The following PTPRN2 variants were observed in gnomAD, a reference collection of about 807,000 sequenced individuals.
PTPRN2 encodes the protein receptor-type tyrosine-protein phosphatase N2.
PTPRN2 carries 74 observed loss-of-function variants against 118.8 expected under a neutral mutation model. The ratio of observed to expected loss-of-function variants is 0.62; its 90% CI spans 0.52 to 0.76. The LOEUF (loss-of-function observed/expected upper bound fraction) is 0.76, where lower values mean the gene tolerates loss of function less well. PTPRN2 is among the 30% of genes least tolerant of loss of function. PTPRN2 has a pLI of 0.00. For synonymous variants in PTPRN2, 641 were observed against 608.0 expected (o/e 1.05, Z -0.80); for missense variants, 1,481 against 1,394.4 (o/e 1.06, Z -0.99).
intron 12 of PTPRN2, among the ~76,000 whole-genome samples, chr7:157,875,921 C>T (rs926414387): frequency 1.5e-5 from 2 of 133,822 alleles, no homozygotes; most frequent in African/African-American, 2.9e-5. Flanking sequence ...GGGTGGGCAC[C>T]GGGCTGCAGA....
chr7:157,796,512 A>G (rs117997502), intron 12 of PTPRN2, among the ~76,000 whole-genome samples: 1,533 of 152,342 alleles, frequency 0.01, 15 homozygotes, highest in Admixed American at 0.012. Flanking sequence ...GGCGCAGAGA[A>G]GAGAAGGAAA....
intron 9 of PTPRN2, among the ~76,000 whole-genome samples, chr7:158,115,964 C>T (rs1457812137): frequency 6.6e-6 from 1 of 152,198 alleles, no homozygotes; most frequent in Non-Finnish European, 1.5e-5. Context: ...GAGCCTGGTT[C>T]GCTCAGGTGA....
intron 2 of PTPRN2, among the ~76,000 whole-genome samples, chr7:158,367,692 T>C (rs903074086): frequency 6.6e-6 from 1 of 152,200 alleles, no homozygotes; most frequent in Admixed American, 6.5e-5. Flanking sequence ...TGTTAGTTTT[T>C]TTCCAGAGAG....
chr7:157,841,010 G>A (rs1203948918), intron 12 of PTPRN2, among the ~76,000 whole-genome samples: 2 of 152,218 alleles, frequency 1.3e-5, no homozygotes, highest in African/African-American at 2.4e-5. Flanking sequence ...AATTCACAAC[G>A]GCCGCTGCCT....
At chr7:157,860,738 A>C (rs1292875157) in intron 12 of PTPRN2, among the ~76,000 whole-genome samples, 1 of 152,236 alleles carries the variant, frequency 6.6e-6, no homozygotes, top group East Asian at 1.9e-4. Context: ...GGTAGAGAGC[A>C]GACAGTTTCT....
chr7:157,833,456 G>T (rs989053060), intron 12 of PTPRN2, among the ~76,000 whole-genome samples: 1 of 148,400 alleles, frequency 6.7e-6, no homozygotes, highest in African/African-American at 2.5e-5. Context: ...TGTGGCCGGT[G>T]CCCATCCATC....
chr7:157,671,678 G>A lies in PTPRN2; in HGVS notation c.2001+11047C>T, dbSNP rs1796423537. On this transcript the variant is annotated intron_variant, in intron 13 of 22. Transcript: ENST00000389418. This position sits in a 1 kb window ranked among gnomAD's most constrained non-coding sequence, Gnocchi z 4.1. ...GGCAGGGGCATGCGGGCTGGGGGCG[G>A]AGCGGCTACTGGAGCAGCTGCTTCT... 6.6e-6 allele frequency among the ~76,000 whole-genome samples: 1 copy of A among 152,152 alleles called. No individual in the cohort carries two copies. Among genetic ancestry groups the A allele is most frequent in the Admixed American group, 6.5e-5 (1 of 15,288 alleles).
At chr7:157,972,699 ACGGG>A (rs1374870285) in intron 11 of PTPRN2, among the ~76,000 whole-genome samples, 10 of 145,640 alleles carry the variant, frequency 6.9e-5, no homozygotes, top group African/African-American at 7.7e-5. Context: ...TTCAGAGACC[ACGGG>A]CACTCCACAC....
At chr7:157,917,405 C>T (rs963668105) in intron 11 of PTPRN2, among the ~76,000 whole-genome samples, 1 of 152,190 alleles carries the variant, frequency 6.6e-6, no homozygotes, top group African/African-American at 2.4e-5. Flanking sequence ...TTCTTCAGCC[C>T]TTGTTTTCCA....
Position 158,273,592 on chromosome 7 carries a change from ATGGGAGGAGCCG to A in PTPRN2, c.277+43215_277+43226del, listed in dbSNP as rs1405957582. On this transcript the variant is annotated intron_variant, in intron 3 of 22. Coordinates refer to ENST00000389418, the MANE Select transcript of PTPRN2 (RefSeq NM_002847.5). ...GGCACAGGGGGAGCCGCAGACAGAC[ATGGGAGGAGCCG>A]CAGACACGGGGAGCCGCAGGCATGG... is the stretch of plus-strand genomic sequence containing the variant. 2.8e-3 allele frequency among the ~76,000 whole-genome samples: 211 copies of A among 76,264 alleles called. 59 individuals are homozygous for A. The highest frequency in any genetic ancestry group is 9.4e-3 in the Middle Eastern group (1 of 106). The allele number at this position is 76,264 out of a possible 152,430, so 50.0% of individuals were successfully genotyped here.
chr7:157,741,107 C>G (rs993544528), intron 12 of PTPRN2, among the ~76,000 whole-genome samples: 5 of 152,154 alleles, frequency 3.3e-5, no homozygotes, highest in African/African-American at 1.2e-4. Context: ...AACTCACAGT[C>G]GGAGCCACCC....
intron 1 of PTPRN2, among the ~76,000 whole-genome samples, chr7:158,557,116 G>A (rs1169008538): frequency 4.8e-5 from 6 of 123,822 alleles, no homozygotes; most frequent in African/African-American, 1.9e-4. Flanking sequence ...TGGGCAGGTC[G>A]CTCCCGCGCA....
intron 12 of PTPRN2, among the ~76,000 whole-genome samples, chr7:157,713,696 C>T (rs1798764508): frequency 6.6e-6 from 1 of 152,230 alleles, no homozygotes; most frequent in Non-Finnish European, 1.5e-5. Context: ...TTGTCCAACT[C>T]TCTTATTCCG....
intron 12 of PTPRN2, among the ~76,000 whole-genome samples, chr7:157,766,110 A>C (rs114318323): frequency 0.11 from 16,875 of 148,404 alleles, 1,880 homozygotes; most frequent in African/African-American, 0.26. Context: ...TCTTCCATTC[A>C]TCCATCCATC....
At chr7:158,439,065 A>G (rs948983437) in intron 2 of PTPRN2, among the ~76,000 whole-genome samples, 19 of 152,238 alleles carry the variant, frequency 1.2e-4, no homozygotes, top group African/African-American at 3.6e-4. Context: ...CAAGGACTCA[A>G]AAGAATGCAA....
intron 2 of PTPRN2, among the ~76,000 whole-genome samples, chr7:158,391,561 T>C (rs967890908): frequency 2.0e-5 from 3 of 152,214 alleles, no homozygotes; most frequent in African/African-American, 7.2e-5. Flanking sequence ...TGATGAGAAA[T>C]GCCCACCTAC....
chr7:158,316,047 C>T (rs1431102937), intron 3 of PTPRN2, among the ~76,000 whole-genome samples: 1 of 152,214 alleles, frequency 6.6e-6, no homozygotes, highest in Non-Finnish European at 1.5e-5. Context: ...TCAGCCACCA[C>T]AAAGACCATC....
intron 12 of PTPRN2, among the ~76,000 whole-genome samples, chr7:157,839,952 G>C (rs1808256730): frequency 6.6e-6 from 1 of 151,586 alleles, no homozygotes; most frequent in African/African-American, 2.4e-5. Flanking sequence ...GCGTGTGACT[G>C]TGTGGCCACG....
intron 11 of PTPRN2, among the ~76,000 whole-genome samples, chr7:157,899,401 C>T (rs1356100263): frequency 6.6e-6 from 1 of 152,220 alleles, no homozygotes; most frequent in African/African-American, 2.4e-5. Context: ...AGCACCAACA[C>T]AGCAAACCCA....
Sources: gnomAD v4.1 joint callset for allele counts (sites outside exome capture counted in the v4.1 genomes callset) on GRCh38, gnomAD v4.1.1 for gene constraint, Gnocchi (gnomAD v3.1) non-coding constraint, MANE v1.5 for transcripts, NCBI Gene and HGNC (gene_info 2026-07-23, HGNC 2026-07-21) for gene names.